The following GATAD2A variants were observed in gnomAD, a reference collection of about 807,000 sequenced individuals.
The protein encoded by GATAD2A is transcriptional repressor p66-alpha.
GATAD2A carries 12 observed loss-of-function variants against 68.5 expected under a neutral mutation model. That is an observed-to-expected ratio of 0.18 (90% CI 0.11 to 0.28). GATAD2A has a LOEUF of 0.28. GATAD2A is among the 10% of genes least tolerant of loss of function. The pLI is 1.00. For missense variants in GATAD2A, 755 were observed against 868.5 expected, an observed-to-expected ratio of 0.87 and a Z score of 1.64; for synonymous variants, 410 against 375.3, an observed-to-expected ratio of 1.09 and a Z score of -1.07.
intron 1 of GATAD2A, among the ~76,000 whole-genome samples, chr19:19,450,096 C>A (rs1267782792): frequency 6.6e-6 from 1 of 152,298 alleles, no homozygotes; most frequent in Non-Finnish European, 1.5e-5. Flanking sequence ...TGGTCCCTTT[C>A]ATTTTTAATT....
At chr19:19,418,846 G>A (rs2051979956) in intron 1 of GATAD2A, among the ~76,000 whole-genome samples, 1 of 152,128 alleles carries the variant, frequency 6.6e-6, no homozygotes, top group Admixed American at 6.5e-5. Flanking sequence ...GTGGTCGCCG[G>A]AAGGAAAAGA....
intron 2 of GATAD2A, among the ~76,000 whole-genome samples, chr19:19,479,647 CAG>C (rs2058916403): frequency 6.6e-6 from 1 of 152,200 alleles, no homozygotes; most frequent in South Asian, 2.1e-4. Flanking sequence ...AGGAAGACCA[CAG>C]AGGGTGAAGT....
chr19:19,492,557 AC>A, intron 3 of GATAD2A, 23 bp from the exon 4 acceptor site: 1 of 1,613,972 alleles, frequency 6.2e-7, no homozygotes, highest in Middle Eastern at 1.6e-4. Flanking sequence ...CTCCCTCTCA[AC>A]CCTGTTCCTC....
intron 1 of GATAD2A, among the ~76,000 whole-genome samples, chr19:19,432,247 T>A (rs1305147819): frequency 1.3e-5 from 2 of 152,180 alleles, no homozygotes; most frequent in Non-Finnish European, 2.9e-5. Flanking sequence ...AATGCTGGGA[T>A]TACAGACGTG....
chr19:19,430,880 C>T (rs2053643747), intron 1 of GATAD2A, among the ~76,000 whole-genome samples: 1 of 152,062 alleles, frequency 6.6e-6, no homozygotes, highest in Non-Finnish European at 1.5e-5. Context: ...AGTGCAGTGA[C>T]TTGATTTCAT....
intron 1 of GATAD2A, among the ~76,000 whole-genome samples, chr19:19,386,775 G>A (rs1050283696): frequency 1.3e-5 from 2 of 151,760 alleles, no homozygotes; most frequent in Non-Finnish European, 2.9e-5. Flanking sequence ...CCTGCCGGAG[G>A]GAACCCCCAC....
chr19:19,463,558 T>C (rs1043837838), intron 1 of GATAD2A, among the ~76,000 whole-genome samples: 2 of 151,750 alleles, frequency 1.3e-5, no homozygotes, highest in African/African-American at 4.8e-5. Flanking sequence ...GCCGCACAGT[T>C]GGTGTGGGAT....
intron 2 of GATAD2A, among the ~76,000 whole-genome samples, chr19:19,474,810 G>A (rs1376140758): frequency 1.3e-5 from 2 of 152,226 alleles, no homozygotes; most frequent in African/African-American, 4.8e-5. Flanking sequence ...ACTCACAGGT[G>A]TGGCAGTCCA....
intron 1 of GATAD2A, among the ~76,000 whole-genome samples, chr19:19,423,369 T>C (rs1161160719): frequency 6.6e-6 from 1 of 152,250 alleles, no homozygotes; most frequent in Non-Finnish European, 1.5e-5. Flanking sequence ...TTGCCATTGT[T>C]ATAGTTTCTT....
At chr19:19,500,233 A>T (rs897462071) in intron 8 of GATAD2A, among the ~76,000 whole-genome samples, 1 of 152,178 alleles carries the variant, frequency 6.6e-6, no homozygotes, top group African/African-American at 2.4e-5. Flanking sequence ...CACGCTGGCC[A>T]TGGGTTGGAC....
At chr19:19,454,551 A>T (rs2056736242) in intron 1 of GATAD2A, among the ~76,000 whole-genome samples, 1 of 151,612 alleles carries the variant, frequency 6.6e-6, no homozygotes, top group Admixed American at 6.6e-5. Flanking sequence ...GTGAGCTGAG[A>T]TGGAGACATT....
chr19:19,483,955 G>A lies in GATAD2A; in HGVS notation c.270-8351G>A, dbSNP rs192482439. ...GTTCCTCAGTTTTGGGGCACAGCCTGTGTCTAGACAACAGAGCTCTCTTTC... is the reference window on the plus strand; with the variant it reads ...GTTCCTCAGTTTTGGGGCACAGCCTATGTCTAGACAACAGAGCTCTCTTTC... On this transcript the variant is annotated intron_variant, in intron 2 of 11. Coordinates refer to ENST00000683918, the MANE Select transcript of GATAD2A (RefSeq NM_001384528.1). Among the ~76,000 whole-genome samples the A allele has an allele frequency of 2.1e-3, 320 of 152,122 alleles. 2 individuals carry two copies. Among genetic ancestry groups the A allele is most frequent in the South Asian group, 0.016 (78 of 4,814 alleles).
At chr19:19,402,745 A>AG (rs2049873282), upstream of GATAD2A, 1 of 149,100 alleles carries the variant, frequency 6.7e-6, no homozygotes, top group East Asian at 2.0e-4. Context: ...GCTATCACTA[A>AG]GGGTTTTTTT....
chr19:19,472,183 C>T (rs73002960), intron 2 of GATAD2A, among the ~76,000 whole-genome samples: 13,807 of 152,252 alleles, frequency 0.091, 750 homozygotes, highest in South Asian at 0.17. Context: ...AGATGAGCCA[C>T]GGCACCAGGC....
intron 1 of GATAD2A, among the ~76,000 whole-genome samples, chr19:19,396,799 C>T (rs1028207341): frequency 6.6e-6 from 1 of 152,146 alleles, no homozygotes; most frequent in Non-Finnish European, 1.5e-5. Context: ...ACCTCCACCT[C>T]CTGGGTTCAA....
At chr19:19,499,953 G>A (rs1290548737) in intron 8 of GATAD2A, among the ~76,000 whole-genome samples, 1 of 152,244 alleles carries the variant, frequency 6.6e-6, no homozygotes, top group Non-Finnish European at 1.5e-5. Flanking sequence ...TCGACAAGGT[G>A]ATGTCGGCAA....
upstream of GATAD2A, among the ~76,000 whole-genome samples, chr19:19,404,039 TATC>T (rs1026694678): frequency 1.4e-4 from 22 of 152,346 alleles, no homozygotes; most frequent in Admixed American, 1.1e-3. Context: ...TTGTATTTTG[TATC>T]ATTTTTAGGT....
chr19:19,470,217 C>T (rs866944521), intron 2 of GATAD2A, among the ~76,000 whole-genome samples: 26 of 145,208 alleles, frequency 1.8e-4, no homozygotes, highest in Middle Eastern at 7.6e-3. Context: ...GTGGCACGAT[C>T]TCCACCTCGT....
Position 19,448,465 on chromosome 19 carries a change from C to G in GATAD2A, c.-6-16875C>G, listed in dbSNP as rs115152107. ...CAAGTCCTGATCTCCAGTGTGAGCACAGGGAGCTATTGGTAGTTGTGTTGT... is the reference window on the plus strand; with the variant it reads ...CAAGTCCTGATCTCCAGTGTGAGCAGAGGGAGCTATTGGTAGTTGTGTTGT... On this transcript the variant is annotated intron_variant, in intron 1 of 11. Coordinates refer to ENST00000683918, the MANE Select transcript of GATAD2A (RefSeq NM_001384528.1). 9.3e-3 allele frequency among the ~76,000 whole-genome samples: 1,415 copies of G among 152,310 alleles called. 20 individuals carry two copies. The highest frequency in any genetic ancestry group is 0.032 in the African/African-American group (1,327 of 41,558).
Sources: allele counts gnomAD v4.1 joint callset (sites outside exome capture counted in the v4.1 genomes callset), GRCh38; gene constraint gnomAD v4.1.1; transcripts MANE v1.5; gene names NCBI Gene and HGNC (gene_info 2026-07-23, HGNC 2026-07-21).